Variants in CDH12 observed in about 807,000 individuals in gnomAD.
CDH12 encodes the protein cadherin 12.
A neutral mutation model predicts 74.1 loss-of-function variants in CDH12; 41 were observed. The observed-to-expected ratio is 0.55, with a 90% CI of 0.43 to 0.72. The LOEUF (loss-of-function observed/expected upper bound fraction) is 0.72, where lower values mean the gene tolerates loss of function less well. Ranked by LOEUF, CDH12 falls within the 30% of genes least tolerant of loss-of-function variation. The pLI, the probability that CDH12 is intolerant of heterozygous loss-of-function variation, is 0.00. For missense variants in CDH12, 945 were observed against 977.2 expected (o/e 0.97, Z 0.44); for synonymous variants, 399 against 355.0 (o/e 1.12, Z -1.39).
At chr5:22,535,155 T>TTC (rs1561475278) in intron 1 of CDH12, among the ~76,000 whole-genome samples, 5 of 130,560 alleles carry the variant, frequency 3.8e-5, no homozygotes, top group African/African-American at 1.3e-4. Context: ...TTTTTTTTTT[T>TTC]TTCTTTTTTT....
rs560536113 is a variant in CDH12 at position 22,146,928 on chromosome 5, TAGGATCAGCTTAGCCATTACCTTC to T, written c.-187+65546_-187+65569del. ...CTAAACAAGACAAGACCACATGAAA[TAGGATCAGCTTAGCCATTACCTTC>T]AGGAAGCTTCAGACATATTGTTTAT... On this transcript the variant is annotated intron_variant, in intron 4 of 14. Transcript: ENST00000382254. 2.1e-3 allele frequency among the ~76,000 whole-genome samples: 318 copies of T among 152,254 alleles called. 2 individuals carry two copies. The highest frequency in any genetic ancestry group is 2.1e-3 in the Non-Finnish European group (140 of 68,010).
intron 1 of CDH12, among the ~76,000 whole-genome samples, chr5:22,785,695 T>A (rs145719866): frequency 2.0e-5 from 3 of 152,226 alleles, no homozygotes; most frequent in Non-Finnish European, 4.4e-5. Flanking sequence ...TTTTTGCACC[T>A]TTTGTAGAGA....
intron 1 of CDH12, among the ~76,000 whole-genome samples, chr5:22,838,180 A>G (rs1736918236): frequency 6.6e-6 from 1 of 152,164 alleles, no homozygotes; most frequent in Non-Finnish European, 1.5e-5. Context: ...AGCAGCCTTA[A>G]GCACTCATCT....
At chr5:22,383,953 T>C (rs1173486118) in intron 3 of CDH12, among the ~76,000 whole-genome samples, 1 of 152,134 alleles carries the variant, frequency 6.6e-6, no homozygotes, top group African/African-American at 2.4e-5. Context: ...TATAATTAGA[T>C]GGAATTGCCA....
At chr5:22,496,734 T>C (rs534002056) in intron 2 of CDH12, among the ~76,000 whole-genome samples, 8 of 152,194 alleles carry the variant, frequency 5.3e-5, no homozygotes, top group Non-Finnish European at 1.0e-4. Flanking sequence ...TCAGCAGCAA[T>C]TGACCCAGTT....
rs898257971 is a variant in CDH12, at chr5:21,885,827, C to G, written c.527-31037G>C. 5.3e-5 allele frequency among the ~76,000 whole-genome samples: 8 copies of G among 152,216 alleles called. No homozygotes were observed. The East Asian group carries it at 1.5e-3, about 29-fold the overall frequency. ...ATTAAATCTTATTTTTTAAGTAGTT[C>G]CCACACCAGTTCTCCATGCACCTTC... On this transcript the variant is annotated intron_variant, in intron 6 of 14. Transcript: ENST00000382254.
At chr5:22,263,672 GT>G (rs1426018497) in intron 3 of CDH12, among the ~76,000 whole-genome samples, 11 of 151,968 alleles carry the variant, frequency 7.2e-5, no homozygotes, top group African/African-American at 2.7e-4. Flanking sequence ...ACTTCATAGT[GT>G]TTATATAGTA....
intron 1 of CDH12, among the ~76,000 whole-genome samples, chr5:22,587,299 C>T (rs556781102): frequency 1.2e-4 from 18 of 152,206 alleles, no homozygotes; most frequent in African/African-American, 3.6e-4. Flanking sequence ...AAGGTCCTCA[C>T]TAGATCCAGT....
intron 5 of CDH12, among the ~76,000 whole-genome samples, chr5:21,995,702 T>C (rs1736247586): frequency 6.6e-6 from 1 of 151,716 alleles, no homozygotes. Context: ...CTTGAAACTT[T>C]GTGGTACCAC....
intron 4 of CDH12, among the ~76,000 whole-genome samples, chr5:22,121,028 T>C (rs1336181786): frequency 6.6e-6 from 1 of 152,186 alleles, no homozygotes; most frequent in Non-Finnish European, 1.5e-5. Context: ...GTTGAGCTTA[T>C]CTCAAAATTA....
intron 1 of CDH12, among the ~76,000 whole-genome samples, chr5:22,602,394 T>C (rs1366329092): frequency 2.0e-5 from 3 of 152,142 alleles, no homozygotes; most frequent in Admixed American, 6.6e-5. Flanking sequence ...AAACTATCAT[T>C]AGCTTATAAA....
chr5:22,164,527 C>G (rs1043187676), intron 4 of CDH12, among the ~76,000 whole-genome samples: 1 of 152,062 alleles, frequency 6.6e-6, no homozygotes, highest in East Asian at 1.9e-4. Context: ...AAGCTCAGCT[C>G]AAGCCGTAAT....
chr5:21,895,372 G>A (rs7448594), intron 6 of CDH12, among the ~76,000 whole-genome samples: 115,872 of 152,112 alleles, frequency 0.76, 45,678 homozygotes, highest in Non-Finnish European at 0.86. Flanking sequence ...TGAGTAGGCC[G>A]GCGGCCCTGG....
chr5:22,326,321 G>T (rs149521880), intron 3 of CDH12, among the ~76,000 whole-genome samples: 1 of 151,544 alleles, frequency 6.6e-6, no homozygotes, highest in Non-Finnish European at 1.5e-5. Flanking sequence ...TGCAGGCTCC[G>T]CCCCCCGGGG....
intron 1 of CDH12, among the ~76,000 whole-genome samples, chr5:22,775,869 G>T (rs1272389600): frequency 6.6e-6 from 1 of 152,058 alleles, no homozygotes; most frequent in East Asian, 1.9e-4. Context: ...GGAGGTAATT[G>T]AATTTTGGGG....
chr5:22,727,878 G>T (rs1161856399), intron 1 of CDH12, among the ~76,000 whole-genome samples: 1 of 151,124 alleles, frequency 6.6e-6, no homozygotes. Context: ...TTTTACTTTT[G>T]TTATCTGCAT....
At chr5:21,813,635 C>G (rs1390268976) in intron 9 of CDH12, among the ~76,000 whole-genome samples, 1 of 152,154 alleles carries the variant, frequency 6.6e-6, no homozygotes, top group Non-Finnish European at 1.5e-5. Context: ...GGCCAAGGCC[C>G]TCTTCCTTCA....
intron 1 of CDH12, among the ~76,000 whole-genome samples, chr5:22,579,615 T>A (rs998111915): frequency 6.7e-6 from 1 of 150,286 alleles, no homozygotes; most frequent in Non-Finnish European, 1.5e-5. Flanking sequence ...ACCCTAATTT[T>A]CTTTTCTTTT....
intron 1 of CDH12, among the ~76,000 whole-genome samples, chr5:22,754,922 C>T (rs1254161393): frequency 6.6e-6 from 1 of 152,128 alleles, no homozygotes; most frequent in Non-Finnish European, 1.5e-5. Flanking sequence ...GAATTGAACC[C>T]ATGGGACTCC....
Sources: gnomAD v4.1 joint callset for allele counts (sites outside exome capture counted in the v4.1 genomes callset) on GRCh38, gnomAD v4.1.1 for gene constraint, MANE v1.5 for transcripts, NCBI Gene and HGNC (gene_info 2026-07-23, HGNC 2026-07-21) for gene names.